Variants in FDPS observed in about 807,000 individuals in gnomAD.
The protein encoded by FDPS is farnesyl diphosphate synthase.
Under a neutral mutation model 49.5 loss-of-function variants are expected in FDPS, and 29 were observed. The ratio of observed to expected loss-of-function variants is 0.59; its 90% CI spans 0.44 to 0.80. The LOEUF (loss-of-function observed/expected upper bound fraction) is 0.80. FDPS is among the 30% of genes least tolerant of loss of function. The pLI, the probability that FDPS is intolerant of heterozygous loss-of-function variation, is 0.00. For missense variants in FDPS, 414 were observed against 525.6 expected (o/e 0.79, Z 2.08); for synonymous variants, 172 against 206.4 (o/e 0.83, Z 1.43).
Position 155,310,044 on chromosome 1 carries a change from GC to G in FDPS, c.181del (p.Leu61PhefsTer7). The G allele has an allele frequency of 6.2e-7, 1 of 1,613,316 alleles. No homozygotes were observed. The highest frequency in any genetic ancestry group is 2.2e-5 in the East Asian group (1 of 44,890). On this transcript the variant is annotated frameshift_variant and splice_region_variant, in exon 3 of 11. Coordinates refer to ENST00000368356, the MANE Select transcript of FDPS (RefSeq NM_002004.4). LOFTEE classifies it high-confidence loss of function. ...WCQAWTEEPR[A>X]LCSSLRMNGD... ...CTGACTTGTTTTTCTTCTACTTAGA[GC>G]CCTTTGCTCCTCCCTCAGAATGAAC...
Position 155,319,811 on chromosome 1 carries a change from C to G in FDPS, c.942C>G (p.Leu314=). The G allele has an allele frequency of 6.2e-7, 1 of 1,614,144 alleles. No homozygotes were observed. Among genetic ancestry groups the G allele is most frequent in the African/African-American group, 1.3e-5 (1 of 75,022 alleles). ...CTGCCCAGGATGATTACCTTGACCTCTTTGGGGACCCCAGTGTGACCGGCA... is the reference window on the plus strand; with the variant it reads ...CTGCCCAGGATGATTACCTTGACCTGTTTGGGGACCCCAGTGTGACCGGCA... ...FFQIQDDYLD[L]FGDPSVTGKI... The change falls in exon 10 of 11, where the codon CTC becomes CTG. Residue 314 remains leucine (L), a synonymous_variant. Transcript: ENST00000368356.
At chr1:155,311,584 G>C (rs1398524681) in intron 3 of FDPS, among the ~76,000 whole-genome samples, 1 of 152,156 alleles carries the variant, frequency 6.6e-6, no homozygotes, top group Non-Finnish European at 1.5e-5. Flanking sequence ...GGAAGTCTAG[G>C]AGAGGTGGGG....
intron 10 of FDPS, 198 bp from the exon 11 acceptor site, chr1:155,320,211 T>C (rs994888161): frequency 3.1e-6 from 2 of 647,306 alleles, no homozygotes; most frequent in African/African-American, 3.7e-5. Flanking sequence ...GAGTAGAGGA[T>C]GCCTGGTATG....
At chr1:155,314,955 C>T (rs1380659852) in intron 4 of FDPS, among the ~76,000 whole-genome samples, 1 of 152,070 alleles carries the variant, frequency 6.6e-6, no homozygotes, top group Non-Finnish European at 1.5e-5. Flanking sequence ...TTGGGAGAGG[C>T]AGTGAATGGG....
intron 4 of FDPS, among the ~76,000 whole-genome samples, chr1:155,313,404 G>C (rs1340729907): frequency 1.3e-5 from 2 of 152,198 alleles, no homozygotes; most frequent in African/African-American, 4.8e-5. Context: ...GGGTGGCAGT[G>C]AGCCCAAAAG....
intron 4 of FDPS, among the ~76,000 whole-genome samples, chr1:155,316,228 C>T (rs960609447): frequency 2.6e-5 from 4 of 151,854 alleles, no homozygotes; most frequent in African/African-American, 9.7e-5. Flanking sequence ...GCACTCCAGC[C>T]TGGACAATGA....
intron 4 of FDPS, 103 bp from the exon 5 acceptor site, chr1:155,317,838 C>T: frequency 1.1e-6 from 1 of 934,158 alleles, no homozygotes; most frequent in South Asian, 1.6e-5. Flanking sequence ...CTGTCCCCTA[C>T]CAAAAAAAAG....
At position 155,310,563 on chromosome 1, in the gene FDPS, G is replaced by A. The variant is rs1302648945; in HGVS notation, c.339+358G>A. 2.3e-5 allele frequency: 5 copies of A among 216,704 alleles called. No individual in the cohort carries two copies. The East Asian group carries it at 5.1e-4, about 22-fold the overall frequency. The allele number at this position is 216,704 out of a possible 1,614,324, so 13.4% of individuals were successfully genotyped here. ...TGACCTCAGGTGATCCACCCACCTC[G>A]GCCTCCCAAAGTGCTGGGATTACAG... On this transcript the variant is annotated intron_variant, in intron 3 of 10. Transcript: ENST00000368356.
chr1:155,320,119 A>C (rs906824796), intron 10 of FDPS, 191 bp downstream of exon 10: 2 of 696,318 alleles, frequency 2.9e-6, no homozygotes, highest in Non-Finnish European at 4.8e-6. Context: ...AGATGTTGCC[A>C]AACATGTAGT....
At chr1:155,310,412 G>A (rs2148231650) in intron 3 of FDPS, 1 of 557,310 alleles carries the variant, frequency 1.8e-6, no homozygotes, top group East Asian at 3.0e-5. Flanking sequence ...CTGGGTTCAA[G>A]TGATTCTCCT....
chr1:155,317,435 A>G (rs1649579531), intron 4 of FDPS: 1 of 154,374 alleles, frequency 6.5e-6, no homozygotes, highest in Non-Finnish European at 1.4e-5. Context: ...TCCATTTTAT[A>G]GGCGGGGAGT....
chr1:155,320,566 T>C lies in FDPS; in HGVS notation c.1217T>C (p.Val406Ala). Residue 406 changes from valine to alanine, a missense_variant, in exon 11 of 11, where the codon GTC becomes GCC. Transcript: ENST00000368356. Reference protein sequence around the residue: ...EQYAAPLPPAVFLGLARKIYK... With the variant: ...EQYAAPLPPAAFLGLARKIYK... Reference sequence around the variant, plus strand: ...TACGCAGCACCCCTGCCCCCAGCCGTCTTTCTGGGGCTTGCGCGCAAAATC... The same window carrying C: ...TACGCAGCACCCCTGCCCCCAGCCGCCTTTCTGGGGCTTGCGCGCAAAATC... 1 of 1,614,176 alleles carries C rather than the reference T, an allele frequency of 6.2e-7. No individual in the cohort carries two copies. Among genetic ancestry groups the C allele is most frequent in the Non-Finnish European group, 8.5e-7 (1 of 1,180,018 alleles).
At chr1:155,317,286 C>G (rs1416359478) in intron 4 of FDPS, 1 of 152,190 alleles carries the variant, frequency 6.6e-6, no homozygotes, top group African/African-American at 2.4e-5. Flanking sequence ...TTTAAGCATT[C>G]ATTGAGGTTT....
In FDPS at chr1:155,318,568, C is replaced by A; in HGVS notation, c.685-97C>A. Reference sequence around the variant, plus strand: ...CCCTTCTGTTGCCTTTCTGATTCTGCCCAGTTGTCAGCTGGTATGGGATGT... The same window carrying A: ...CCCTTCTGTTGCCTTTCTGATTCTGACCAGTTGTCAGCTGGTATGGGATGT... On this transcript the variant is annotated intron_variant, in intron 6 of 10. Transcript: ENST00000368356. This position sits in a 1 kb window ranked among gnomAD's most constrained non-coding sequence, Gnocchi z 4.2. 1 of 1,011,648 alleles carries A rather than the reference C, an allele frequency of 9.9e-7. No individual in the cohort carries two copies. 62.7% of individuals were successfully genotyped at this position (1,011,648 alleles called of 1,614,324 possible). A position where few individuals can be genotyped will look rare whatever the true frequency, so the allele number is the denominator to read the frequency against.
chr1:155,320,443 C>T lies in FDPS; in HGVS notation c.1094C>T (p.Ala365Val), dbSNP rs1650230441. 6.2e-7 allele frequency: 1 copy of T among 1,613,424 alleles called. No homozygotes were observed. Among genetic ancestry groups the T allele is most frequent in the African/African-American group, 1.3e-5 (1 of 74,872 alleles). The change falls in exon 11 of 11, where the codon GCC becomes GTC. Residue 365 changes from alanine (A) to valine (V), a missense_variant. Physicochemically the swap from Ala to Val is moderately conservative, Grantham distance 64. Transcript: ENST00000368356. ...GGGCAGAAGGAGGCTGAGAAAGTGGCCCGGGTGAAGGCGCTATATGAGGAG... is the reference window on the plus strand; with the variant it reads ...GGGCAGAAGGAGGCTGAGAAAGTGGTCCGGGTGAAGGCGCTATATGAGGAG... ...NYGQKEAEKV[A>V]RVKALYEELD...
At position 155,309,842 on chromosome 1, in the gene FDPS, C is replaced by T; in HGVS notation, c.53C>T (p.Pro18Leu). The T allele has an allele frequency of 6.3e-7, 1 of 1,582,536 alleles. No individual in the cohort carries two copies. Among genetic ancestry groups the T allele is most frequent in the Non-Finnish European group, 8.6e-7 (1 of 1,161,454 alleles). ...GTGGGGGTCTTCCTGCTGCCAGCCC[C>T]CTACTGGGCACCCCGGGAGAGGTGG... ...RSVGVFLLPA[P>L]YWAPRERWLG... is the part of the protein sequence containing the mutation. Residue 18 changes from proline (P) to leucine (L), a missense_variant, in exon 2 of 11, where the codon CCC (proline) becomes CTC (leucine). By Grantham distance (98) the Pro-to-Leu change is moderately conservative. Transcript: ENST00000368356.
intron 4 of FDPS, 192 bp downstream of exon 4, chr1:155,312,587 A>G (rs990958989): frequency 9.9e-6 from 6 of 607,428 alleles, no homozygotes; most frequent in East Asian, 2.9e-5. Context: ...GGCATTAGGT[A>G]TGAAGATGGC....
intron 4 of FDPS, chr1:155,316,857 C>T (rs1259726079): frequency 1.3e-5 from 2 of 151,710 alleles, no homozygotes; most frequent in Non-Finnish European, 2.9e-5. Context: ...CAAGAAGTAT[C>T]ACAGGGAATG....
intron 4 of FDPS, among the ~76,000 whole-genome samples, chr1:155,314,208 C>G (rs1357626757): frequency 7.2e-6 from 1 of 139,186 alleles, no homozygotes; most frequent in African/African-American, 2.7e-5. Flanking sequence ...TTTTTTGATA[C>G]AGGGTCTTAC....
Sources: allele counts gnomAD v4.1 joint callset (sites outside exome capture counted in the v4.1 genomes callset), GRCh38; gene constraint gnomAD v4.1.1; non-coding constraint Gnocchi (gnomAD v3.1); transcripts MANE v1.5; gene names NCBI Gene and HGNC (gene_info 2026-07-23, HGNC 2026-07-21).